The following ERC2 variants were observed in gnomAD, a reference collection of about 807,000 sequenced individuals.
The protein encoded by ERC2 is ERC protein 2.
In ERC2, 42 loss-of-function variants were observed where a neutral mutation model predicts 114.8. The ratio of observed to expected loss-of-function variants is 0.37; its 90% CI spans 0.29 to 0.47. ERC2 has a LOEUF of 0.47. ERC2 is among the 20% of genes least tolerant of loss of function. The pLI is 0.99. For missense variants in ERC2, 939 were observed against 1,150.7 expected (o/e 0.82, Z 2.66); for synonymous variants, 454 against 425.5 (o/e 1.07, Z -0.82).
chr3:56,113,792 T>C (rs187686887), intron 6 of ERC2, among the ~76,000 whole-genome samples: 71 of 152,258 alleles, frequency 4.7e-4, no homozygotes, highest in Non-Finnish European at 8.5e-4. Flanking sequence ...TTACCTACAC[T>C]TCCATCTGAC....
chr3:56,388,156 G>A (rs1384457239), intron 2 of ERC2, among the ~76,000 whole-genome samples: 1 of 152,160 alleles, frequency 6.6e-6, no homozygotes, highest in Admixed American at 6.6e-5. Flanking sequence ...TGGTGATACA[G>A]TTTGGATGTT....
rs188155655 is a variant in ERC2 at position 55,950,613 on chromosome 3, T to C, written c.2268-53A>G. ...AATTCTACCACTGGAAGATCATATGTTATCACAAATAGATTCAGGAAGTAC... is the reference window on the plus strand; with the variant it reads ...AATTCTACCACTGGAAGATCATATGCTATCACAAATAGATTCAGGAAGTAC... On this transcript the variant is annotated intron_variant, in intron 12 of 17. Coordinates refer to ENST00000288221, the MANE Select transcript of ERC2 (RefSeq NM_015576.3). 1.6e-4 allele frequency: 257 copies of C among 1,599,624 alleles called. No homozygotes were observed. The African/African-American group carries it at 3.2e-3, about 20-fold the overall frequency.
intron 14 of ERC2, among the ~76,000 whole-genome samples, chr3:55,773,690 A>G (rs559648966): frequency 2.0e-5 from 3 of 152,374 alleles, no homozygotes; most frequent in Admixed American, 6.5e-5. Context: ...TATTCAATGA[A>G]TATGGAATAT....
chr3:56,038,554 A>G (rs2074946700), intron 7 of ERC2, among the ~76,000 whole-genome samples: 1 of 152,180 alleles, frequency 6.6e-6, no homozygotes, highest in Non-Finnish European at 1.5e-5. Flanking sequence ...AACCAGAAAT[A>G]CCATTTGACC....
At chr3:55,799,450 C>CATATATATATGCCTTATATGTATGCATAT (rs1559674616) in intron 14 of ERC2, among the ~76,000 whole-genome samples, 1 of 106,208 alleles carries the variant, frequency 9.4e-6, no homozygotes, top group Non-Finnish European at 1.8e-5. Flanking sequence ...TATATATATG[C>CATATATATATGCCTTATATGTATGCATAT]ATATATATAT....
chr3:56,441,553 G>A lies in ERC2; in HGVS notation c.-140-6406C>T, dbSNP rs1003292690. Among the ~76,000 whole-genome samples the A allele has an allele frequency of 4.6e-5, 7 of 152,268 alleles. No individual in the cohort carries two copies. The East Asian group carries it at 1.4e-3, about 29-fold the overall frequency. On this transcript the variant is annotated intron_variant, in intron 1 of 17. Coordinates refer to ENST00000288221, the MANE Select transcript of ERC2 (RefSeq NM_015576.3). ...ATTTTGATTGATAAAGCTTTTCAAT[G>A]TTCCGTTTGAGCAATATTCAGATTG...
chr3:56,258,055 G>A (rs2052640502), intron 3 of ERC2, among the ~76,000 whole-genome samples: 1 of 152,142 alleles, frequency 6.6e-6, no homozygotes, highest in Non-Finnish European at 1.5e-5. Flanking sequence ...ATGCACAGAA[G>A]CCTGAGAGCA....
At chr3:55,676,115 G>T (rs1407856105) in intron 17 of ERC2, among the ~76,000 whole-genome samples, 1 of 151,232 alleles carries the variant, frequency 6.6e-6, no homozygotes, top group Non-Finnish European at 1.5e-5. Context: ...TAGAGACAGG[G>T]TTTCTCCATG....
At chr3:55,707,075 T>A (rs1439042942) in intron 15 of ERC2, among the ~76,000 whole-genome samples, 1 of 152,212 alleles carries the variant, frequency 6.6e-6, no homozygotes, top group Non-Finnish European at 1.5e-5. Context: ...TCCTATTGCA[T>A]ATTTTGTGCA....
intron 14 of ERC2, among the ~76,000 whole-genome samples, chr3:55,749,533 G>T (rs2148962094): frequency 6.6e-6 from 1 of 152,246 alleles, no homozygotes; most frequent in East Asian, 1.9e-4. Flanking sequence ...CTCACAAGAG[G>T]ATTGTAAAAT....
chr3:55,691,793 A>C (rs896514187), intron 16 of ERC2, among the ~76,000 whole-genome samples: 1 of 151,820 alleles, frequency 6.6e-6, no homozygotes, highest in Non-Finnish European at 1.5e-5. Context: ...AGTGAAGGAA[A>C]CATGAAGATA....
chr3:56,382,707 G>A (rs915654225), intron 2 of ERC2, among the ~76,000 whole-genome samples: 1 of 151,802 alleles, frequency 6.6e-6, no homozygotes, highest in Non-Finnish European at 1.5e-5. Context: ...TCATTCTCTG[G>A]CCACCTTTTT....
At chr3:56,315,288 T>C (rs1382405539) in intron 2 of ERC2, among the ~76,000 whole-genome samples, 1 of 152,120 alleles carries the variant, frequency 6.6e-6, no homozygotes, top group South Asian at 2.1e-4. Context: ...GTGAGATAAA[T>C]GTTAAGAATT....
At chr3:55,711,913 T>C (rs1198091384) in intron 15 of ERC2, among the ~76,000 whole-genome samples, 2 of 152,240 alleles carry the variant, frequency 1.3e-5, no homozygotes, top group Non-Finnish European at 2.9e-5. Context: ...CTTGGAAGGA[T>C]ATCACCAAAT....
chr3:56,022,949 G>C (rs144349785), intron 7 of ERC2, among the ~76,000 whole-genome samples: 180 of 152,266 alleles, frequency 1.2e-3, no homozygotes, highest in African/African-American at 4.1e-3. Context: ...ACCTGGAAAG[G>C]GGGTAAGAGA....
chr3:56,268,933 C>T (rs946397226), intron 3 of ERC2, among the ~76,000 whole-genome samples: 1 of 152,136 alleles, frequency 6.6e-6, no homozygotes, highest in African/African-American at 2.4e-5. Context: ...TATATCAAAA[C>T]ATTATGTGGT....
chr3:56,273,056 T>C (rs1298918519), intron 3 of ERC2, among the ~76,000 whole-genome samples: 1 of 152,186 alleles, frequency 6.6e-6, no homozygotes, highest in African/African-American at 2.4e-5. Context: ...GATTCTTCCA[T>C]ATATCCTGAT....
rs114714783 is a variant in ERC2, at chr3:55,543,014, A to G, written c.*40-31738T>C. Among the ~76,000 whole-genome samples, 665 of 152,318 alleles carry G rather than the reference A, an allele frequency of 4.4e-3. 6 individuals carry two copies. Among genetic ancestry groups the G allele is most frequent in the African/African-American group, 0.016 (645 of 41,568 alleles). On this transcript the variant is annotated intron_variant, in intron 17 of 17. Coordinates refer to ENST00000288221, the MANE Select transcript of ERC2 (RefSeq NM_015576.3). Reference sequence around the variant, plus strand: ...ACTGGGATGATCTGCTAGGTCCCACATCTGCTCAAAGCCTCCATATCTCTG... The same window carrying G: ...ACTGGGATGATCTGCTAGGTCCCACGTCTGCTCAAAGCCTCCATATCTCTG...
chr3:56,254,265 T>C (rs1290836665), intron 3 of ERC2, among the ~76,000 whole-genome samples: 1 of 152,244 alleles, frequency 6.6e-6, no homozygotes, highest in Non-Finnish European at 1.5e-5. Context: ...TCCTCACATA[T>C]TCTAAAGCAC....
Sources: gnomAD v4.1 joint callset for allele counts (sites outside exome capture counted in the v4.1 genomes callset) on GRCh38, gnomAD v4.1.1 for gene constraint, MANE v1.5 for transcripts, NCBI Gene and HGNC (gene_info 2026-07-23, HGNC 2026-07-21) for gene names.